XPO1: variants seen among roughly 807,000 people sequenced by gnomAD.
The protein encoded by XPO1 is exportin-1.
XPO1 carries 5 observed loss-of-function variants against 133.3 expected under a neutral mutation model. The ratio of observed to expected loss-of-function variants is 0.04; its 90% CI spans 0.02 to 0.08. The LOEUF (loss-of-function observed/expected upper bound fraction) is 0.08. Ranked by LOEUF, XPO1 falls within the 10% of genes least tolerant of loss-of-function variation. XPO1 has a pLI of 1.00. For missense variants in XPO1, 506 were observed against 1,267.5 expected (o/e 0.40, Z 9.12); for synonymous variants, 419 against 408.2 (o/e 1.03, Z -0.32).
At chr2:61,529,148 T>C (rs1342666841) in intron 2 of XPO1, among the ~76,000 whole-genome samples, 3 of 152,102 alleles carry the variant, frequency 2.0e-5, no homozygotes, top group East Asian at 1.9e-4. Context: ...GATCAAGCCA[T>C]TGTGCTCCAG....
At chr2:61,496,669 GA>G (rs1697256877) in intron 10 of XPO1, among the ~76,000 whole-genome samples, 1 of 152,096 alleles carries the variant, frequency 6.6e-6, no homozygotes, top group South Asian at 2.1e-4. Context: ...AAAGTGTGCA[GA>G]AATAAATTAC....
chr2:61,491,089 C>T (rs963197323), intron 16 of XPO1, among the ~76,000 whole-genome samples: 1 of 152,034 alleles, frequency 6.6e-6, no homozygotes, highest in Non-Finnish European at 1.5e-5. Flanking sequence ...GCAGAGGTTG[C>T]AGTGAGCCGA....
intron 6 of XPO1, among the ~76,000 whole-genome samples, chr2:61,501,108 C>T (rs1258864774): frequency 6.6e-6 from 1 of 152,146 alleles, no homozygotes; most frequent in Non-Finnish European, 1.5e-5. Context: ...TCTCTCACCA[C>T]TCAGAGAAGG....
chr2:61,490,963 T>C (rs1255709825), intron 16 of XPO1, among the ~76,000 whole-genome samples, 187 bp from the exon 17 acceptor site: 2 of 152,184 alleles, frequency 1.3e-5, no homozygotes, highest in Non-Finnish European at 2.9e-5. Flanking sequence ...CAGACCAGCC[T>C]GACCAACGTG....
At position 61,495,441 on chromosome 2, in the gene XPO1, T is replaced by G; in HGVS notation, c.1047+14A>C. ...AGAGCAGAATTTTAGGAGCAAAAGC[T>G]CCACATATCTTACCTCCATAAGAGT... is the stretch of plus-strand genomic sequence containing the variant. On this transcript the variant is annotated intron_variant, in intron 11 of 24. Coordinates refer to ENST00000401558, the MANE Select transcript of XPO1 (RefSeq NM_003400.4). 6.6e-7 allele frequency: 1 copy of G among 1,505,708 alleles called. No homozygotes were observed. The highest frequency in any genetic ancestry group is 8.9e-7 in the Non-Finnish European group (1 of 1,121,366). 93.3% of individuals were successfully genotyped at this position (1,505,708 alleles called of 1,614,324 possible). A position where few individuals can be genotyped will look rare whatever the true frequency, so the allele number is the denominator to read the frequency against.
At chr2:61,484,833 G>A (rs1696599570) in intron 20 of XPO1, 1 of 152,384 alleles carries the variant, frequency 6.6e-6, no homozygotes, top group Admixed American at 6.6e-5. Flanking sequence ...TTTCACCATG[G>A]TCTCCATCTC....
At position 61,500,629 on chromosome 2, in the gene XPO1, T is replaced by C. The variant is rs1294764880; in HGVS notation, c.409-735A>G. 5.8e-5 allele frequency among the ~76,000 whole-genome samples: 8 copies of C among 138,210 alleles called. No individual in the cohort carries two copies. The East Asian group carries it at 1.5e-3, about 26-fold the overall frequency. The allele number at this position is 138,210 out of a possible 152,430, so 90.7% of individuals were successfully genotyped here. A position where few individuals can be genotyped will look rare whatever the true frequency, so the allele number is the denominator to read the frequency against. ...GCCTGGCCAACATGGTGAAACCCCGTCTCTACTAAAAATACAAAAATTAGC... is the reference window on the plus strand; with the variant it reads ...GCCTGGCCAACATGGTGAAACCCCGCCTCTACTAAAAATACAAAAATTAGC... On this transcript the variant is annotated intron_variant, in intron 6 of 24. Transcript: ENST00000401558.
At chr2:61,481,328 G>C in intron 23 of XPO1, 47 bp from the exon 24 acceptor site, 1 of 1,463,902 alleles carries the variant, frequency 6.8e-7, no homozygotes, top group South Asian at 1.2e-5. Flanking sequence ...TTTTTCCCCC[G>C]AGACAGAGTA....
intron 1 of XPO1, 171 bp from the exon 2 acceptor site, chr2:61,534,074 T>G (rs1699266753): frequency 5.1e-6 from 3 of 585,056 alleles, no homozygotes; most frequent in Non-Finnish European, 7.8e-6. Context: ...AAGCTGAAAT[T>G]ACTTAGCTAT....
Position 61,481,176 on chromosome 2 carries a change from A to C in XPO1, c.3069+9T>G. ...CCTAATATTTCTGCAAGAGCAAATA[A>C]ATACATACCTTTATTTGAACTAGGA... On this transcript the variant is annotated intron_variant, in intron 24 of 24. Coordinates refer to ENST00000401558, the MANE Select transcript of XPO1 (RefSeq NM_003400.4). 1 of 1,577,786 alleles carries C rather than the reference A, an allele frequency of 6.3e-7. No individual in the cohort carries two copies.
Position 61,483,042 on chromosome 2 carries a change from A to G in XPO1, c.2727T>C (p.Ala909=). ...TLLQNVAQEE[A]AAQSFYQTYF... is the part of the protein sequence containing the mutation. ...AAGTTTGATAAAAACTCTGAGCTGC[A>G]GCTTCTTCTTGTGCAACATTTTGTA... is the stretch of plus-strand genomic sequence containing the variant. Residue 909 remains alanine (A), a synonymous_variant, in exon 22 of 25, where the codon GCT becomes GCC. Coordinates refer to ENST00000401558, the MANE Select transcript of XPO1 (RefSeq NM_003400.4). 6.2e-7 allele frequency: 1 copy of G among 1,613,812 alleles called. No individual in the cohort carries two copies. Among genetic ancestry groups the G allele is most frequent in the East Asian group, 2.2e-5 (1 of 44,884 alleles).
intron 1 of XPO1, among the ~76,000 whole-genome samples, chr2:61,534,916 G>A (rs1465594660): frequency 6.6e-6 from 1 of 152,052 alleles, no homozygotes; most frequent in Non-Finnish European, 1.5e-5. Flanking sequence ...CTGAATATAT[G>A]ATCTAGGAAA....
chr2:61,524,849 T>C (rs912787790), intron 3 of XPO1, among the ~76,000 whole-genome samples: 2 of 152,166 alleles, frequency 1.3e-5, no homozygotes, highest in South Asian at 2.1e-4. Context: ...GCCCAGGAGT[T>C]TGAGGTTACA....
chr2:61,537,029 ACT>A (rs1361135709), intron 1 of XPO1: 3 of 151,982 alleles, frequency 2.0e-5, no homozygotes, highest in African/African-American at 7.3e-5. Context: ...TTCACATGCC[ACT>A]CTGCAAAACC....
chr2:61,491,153 A>C (rs1192172757), intron 16 of XPO1, among the ~76,000 whole-genome samples: 2 of 147,158 alleles, frequency 1.4e-5, no homozygotes, highest in Non-Finnish European at 2.9e-5. Flanking sequence ...CACCTCAAAA[A>C]ACAAACAAAC....
At chr2:61,526,767 G>A (rs574743034) in intron 2 of XPO1, among the ~76,000 whole-genome samples, 2 of 150,708 alleles carry the variant, frequency 1.3e-5, no homozygotes, top group African/African-American at 4.9e-5. Flanking sequence ...GACTGCAGTG[G>A]TGCGATCTCA....
At chr2:61,498,985 A>T in intron 7 of XPO1, 72 bp from the exon 8 acceptor site, 3 of 1,461,970 alleles carry the variant, frequency 2.1e-6, no homozygotes, top group Non-Finnish European at 2.7e-6. Context: ...CTATAATACT[A>T]ATAAAAATGA....
At chr2:61,481,774 T>C (rs1270957834) in intron 23 of XPO1, among the ~76,000 whole-genome samples, 2 of 151,410 alleles carry the variant, frequency 1.3e-5, no homozygotes, top group Non-Finnish European at 2.9e-5. Context: ...TCTTGCTCTG[T>C]CACCCACACT....
intron 6 of XPO1, among the ~76,000 whole-genome samples, chr2:61,500,580 A>C (rs1481554834): frequency 6.9e-6 from 1 of 144,102 alleles, no homozygotes; most frequent in African/African-American, 2.6e-5. Context: ...CTCCATCTCA[A>C]AAAAAAAAAA....
Sources: allele counts gnomAD v4.1 joint callset (sites outside exome capture counted in the v4.1 genomes callset), GRCh38; gene constraint gnomAD v4.1.1; transcripts MANE v1.5; gene names NCBI Gene and HGNC (gene_info 2026-07-23, HGNC 2026-07-21).